Variants in SBF2 observed in about 807,000 individuals in gnomAD.
SBF2 encodes the protein myotubularin-related protein 13.
SBF2 carries 112 observed loss-of-function variants against 225.2 expected under a neutral mutation model. The ratio of observed to expected loss-of-function variants is 0.50; its 90% CI spans 0.43 to 0.58. The LOEUF (loss-of-function observed/expected upper bound fraction) is 0.58, where lower values mean the gene tolerates loss of function less well. SBF2 is among the 20% of genes least tolerant of loss of function. The probability of loss-of-function intolerance (pLI) is 0.00; values close to 1 mark genes in which losing one functional copy is unlikely to be tolerated. For missense variants in SBF2, 1,996 were observed against 2,206.2 expected, an observed-to-expected ratio of 0.90 and a Z score of 1.91; for synonymous variants, 763 against 773.3, an observed-to-expected ratio of 0.99 and a Z score of 0.22.
chr11:10,126,488 A>G (rs1354884065), intron 2 of SBF2, among the ~76,000 whole-genome samples: 1 of 152,160 alleles, frequency 6.6e-6, no homozygotes, highest in Non-Finnish European at 1.5e-5. Flanking sequence ...TGACTACAGC[A>G]ATAGAAGGCT....
intron 3 of SBF2, among the ~76,000 whole-genome samples, chr11:10,033,975 C>G (rs1238170164): frequency 1.3e-5 from 2 of 152,024 alleles, no homozygotes; most frequent in African/African-American, 4.8e-5. Context: ...TCTAATAATG[C>G]TAAATTTAAT....
intron 1 of SBF2, among the ~76,000 whole-genome samples, chr11:10,242,262 G>T (rs889670846): frequency 6.6e-6 from 1 of 151,912 alleles, no homozygotes; most frequent in Non-Finnish European, 1.5e-5. Flanking sequence ...GTTTTTATAT[G>T]CAATTGAAGT....
intron 17 of SBF2, among the ~76,000 whole-genome samples, chr11:9,870,761 G>C (rs1451836106): frequency 6.6e-6 from 1 of 152,020 alleles, no homozygotes; most frequent in African/African-American, 2.4e-5. Context: ...GGAGCACAAA[G>C]TCAGGAGATT....
chr11:9,993,988 G>A lies in SBF2; in HGVS notation c.986C>T (p.Pro329Leu), dbSNP rs767661858. The A allele has an allele frequency of 2.5e-6, 3 of 1,209,388 alleles. No individual in the cohort carries two copies. Among genetic ancestry groups the A allele is most frequent in the Admixed American group, 1.7e-5 (1 of 59,472 alleles). The allele number at this position is 1,209,388 out of a possible 1,614,324, so 74.9% of individuals were successfully genotyped here. Residue 329 changes from proline to leucine, a missense_variant, in exon 10 of 40, where the codon CCA becomes CTA. Pro to Leu is a moderately conservative substitution (Grantham distance 98). Transcript: ENST00000256190. ...AGCATGATCTGCTACTTCCAAATCT[G>A]GGTGTAAAATCTAAAGCAAAAAAGT... ...TQSALSLILH[P>L]DLEVADHAFP...
intron 2 of SBF2, among the ~76,000 whole-genome samples, chr11:10,130,514 T>C (rs1047392476): frequency 5.3e-5 from 8 of 152,202 alleles, no homozygotes; most frequent in Admixed American, 1.3e-4. Context: ...GTTCCCCCCA[T>C]GGTTATTTCT....
chr11:10,293,397 T>C (rs1181971354), intron 1 of SBF2, among the ~76,000 whole-genome samples: 2 of 152,258 alleles, frequency 1.3e-5, no homozygotes, highest in African/African-American at 4.8e-5. Flanking sequence ...AGACAAGTCA[T>C]GTCACTGTGA....
intron 16 of SBF2, among the ~76,000 whole-genome samples, chr11:9,945,300 A>G (rs1457580452): frequency 6.6e-6 from 1 of 152,198 alleles, no homozygotes; most frequent in Non-Finnish European, 1.5e-5. Flanking sequence ...CCACACATCT[A>G]CAACCATCTG....
At chr11:10,076,583 G>A (rs781021124) in intron 2 of SBF2, among the ~76,000 whole-genome samples, 3 of 152,214 alleles carry the variant, frequency 2.0e-5, no homozygotes, top group African/African-American at 7.2e-5. Context: ...GACCTGGGGC[G>A]ATGTTACAAT....
chr11:9,780,618 GC>G, intron 39 of SBF2, 102 bp from the exon 40 acceptor site: 1 of 879,772 alleles, frequency 1.1e-6, no homozygotes, highest in Non-Finnish European at 1.9e-6. Context: ...TTTCCATACT[GC>G]CCCAGAACGT....
chr11:9,846,862 A>T, intron 23 of SBF2, 94 bp downstream of exon 23: 1 of 1,372,748 alleles, frequency 7.3e-7, no homozygotes, highest in Admixed American at 1.7e-5. Flanking sequence ...TCATCCTCTT[A>T]ACTTCTGAGC....
chr11:9,833,210 T>G (rs989305931), intron 26 of SBF2, among the ~76,000 whole-genome samples: 28 of 152,356 alleles, frequency 1.8e-4, no homozygotes, highest in African/African-American at 5.5e-4. Context: ...TAACACTACA[T>G]GTTGATACTT....
chr11:9,801,233 A>G (rs945795131), intron 32 of SBF2, among the ~76,000 whole-genome samples: 6 of 152,234 alleles, frequency 3.9e-5, no homozygotes, highest in African/African-American at 1.4e-4. Flanking sequence ...GTTAAAAAGT[A>G]TACAGACTTA....
At chr11:9,986,188 G>A (rs532610735) in intron 13 of SBF2, among the ~76,000 whole-genome samples, 27 of 152,220 alleles carry the variant, frequency 1.8e-4, no homozygotes, top group African/African-American at 5.1e-4. Context: ...TGAGCATTCA[G>A]TCAAAAATGA....
intron 2 of SBF2, among the ~76,000 whole-genome samples, chr11:10,073,249 T>C (rs954290714): frequency 1.3e-5 from 2 of 152,176 alleles, no homozygotes; most frequent in African/African-American, 2.4e-5. Flanking sequence ...CAATGAGTTA[T>C]AGTTATGTGT....
At chr11:10,047,814 ATATT>A (rs1949922052) in intron 2 of SBF2, among the ~76,000 whole-genome samples, 1 of 152,170 alleles carries the variant, frequency 6.6e-6, no homozygotes, top group Non-Finnish European at 1.5e-5. Flanking sequence ...TTTCTATTAC[ATATT>A]TAGTTTAAAA....
chr11:10,181,905 T>C (rs993413666), intron 2 of SBF2, among the ~76,000 whole-genome samples: 2 of 152,160 alleles, frequency 1.3e-5, no homozygotes, highest in Non-Finnish European at 1.5e-5. Context: ...TAAATACACA[T>C]ATGTGTTTAC....
intron 16 of SBF2, among the ~76,000 whole-genome samples, chr11:9,901,057 T>C (rs16907238): frequency 0.064 from 9,777 of 152,288 alleles, 503 homozygotes; most frequent in East Asian, 0.28. Flanking sequence ...AATTTACTTA[T>C]GGATTTTTAT....
intron 2 of SBF2, among the ~76,000 whole-genome samples, chr11:10,141,736 A>G (rs977485869): frequency 1.3e-5 from 2 of 152,190 alleles, no homozygotes; most frequent in Admixed American, 1.3e-4. Context: ...AAAGCAAATC[A>G]TAGTGAAGCA....
rs1403215032 is a variant in SBF2, at chr11:10,303,132, T to C, written n.386+1360A>G. 1 of 152,328 alleles carries C rather than the reference T, an allele frequency of 6.6e-6. No individual in the cohort carries two copies. The highest frequency in any genetic ancestry group is 2.4e-5 in the African/African-American group (1 of 41,444). 9.4% of individuals were successfully genotyped at this position (152,328 alleles called of 1,614,324 possible). A position where few individuals can be genotyped will look rare whatever the true frequency, so the allele number is the denominator to read the frequency against. ...ACAATAGTTAGGCTGGGGAGGCTCC[T>C]GGTCACCGAGCAGGCGTTCAGTAAT... On this transcript the variant is annotated intron_variant and non_coding_transcript_variant, in intron 1 of 5. Coordinates refer to the SBF2 transcript ENST00000685217. The surrounding 1 kb of genome is among the most constrained non-coding windows in gnomAD (Gnocchi z 5.2).
Sources: allele counts gnomAD v4.1 joint callset (sites outside exome capture counted in the v4.1 genomes callset), GRCh38; gene constraint gnomAD v4.1.1; non-coding constraint Gnocchi (gnomAD v3.1); transcripts MANE v1.5; gene names NCBI Gene and HGNC (gene_info 2026-07-23, HGNC 2026-07-21).